EPHA3: variants seen among roughly 807,000 people sequenced by gnomAD.
EPHA3 encodes the protein EPH receptor A3, also known as ephrin type-A receptor 3.
A neutral mutation model predicts 107.1 loss-of-function variants in EPHA3; 42 were observed. That is an observed-to-expected ratio of 0.39 (90% confidence interval 0.31 to 0.51). EPHA3 has a LOEUF of 0.51. Ranked by LOEUF, EPHA3 falls within the 20% of genes least tolerant of loss-of-function variation. EPHA3 has a pLI of 0.78. For synonymous variants in EPHA3, 461 were observed against 424.8 expected (o/e 1.09, Z -1.05); for missense variants, 1,183 against 1,211.2 (o/e 0.98, Z 0.35).
chr3:89,433,267 G>A (rs1207183093), intron 13 of EPHA3, among the ~76,000 whole-genome samples: 1 of 151,472 alleles, frequency 6.6e-6, no homozygotes, highest in African/African-American at 2.4e-5. Flanking sequence ...GTCTTCTGCT[G>A]TTTCTTATTA....
At chr3:89,240,369 G>A (rs947369915) in intron 3 of EPHA3, among the ~76,000 whole-genome samples, 1 of 151,848 alleles carries the variant, frequency 6.6e-6, no homozygotes, top group African/African-American at 2.4e-5. Flanking sequence ...ATACTTGACT[G>A]GTATTTTGCT....
At chr3:89,459,489 C>CCT (rs1196115476) in intron 15 of EPHA3, among the ~76,000 whole-genome samples, 18 of 109,200 alleles carry the variant, frequency 1.6e-4, no homozygotes, top group African/African-American at 6.6e-4. Flanking sequence ...CTCCTTCCTT[C>CCT]TCTCCTTCCT....
chr3:89,138,641 T>C (rs1704364706), intron 2 of EPHA3, among the ~76,000 whole-genome samples: 1 of 151,796 alleles, frequency 6.6e-6, no homozygotes, highest in Non-Finnish European at 1.5e-5. Context: ...GATAGTGTAA[T>C]TGAAGAACAA....
intron 5 of EPHA3, among the ~76,000 whole-genome samples, chr3:89,347,116 C>T (rs1461549006): frequency 7.0e-6 from 1 of 143,218 alleles, no homozygotes; most frequent in African/African-American, 2.7e-5. Context: ...TTTTTGGTTC[C>T]ATATGAACTT....
chr3:89,115,153 C>T (rs1270466452), intron 1 of EPHA3, among the ~76,000 whole-genome samples: 1 of 152,128 alleles, frequency 6.6e-6, no homozygotes, highest in Non-Finnish European at 1.5e-5. Context: ...CCCTGTTGTG[C>T]AGCTTGCTGA....
intron 13 of EPHA3, among the ~76,000 whole-genome samples, chr3:89,439,983 G>A (rs1177938942): frequency 1.3e-5 from 2 of 152,100 alleles, no homozygotes; most frequent in Non-Finnish European, 2.9e-5. Flanking sequence ...TTCACATGAT[G>A]TTGAAAGATC....
chr3:89,284,268 T>C (rs1226602811), intron 3 of EPHA3, among the ~76,000 whole-genome samples: 1 of 152,110 alleles, frequency 6.6e-6, no homozygotes, highest in Non-Finnish European at 1.5e-5. Context: ...TTTATGATAG[T>C]TTTTTAATAG....
chr3:89,428,606 C>T (rs1168456394), intron 11 of EPHA3, among the ~76,000 whole-genome samples: 3 of 151,866 alleles, frequency 2.0e-5, no homozygotes, highest in Non-Finnish European at 2.9e-5. Flanking sequence ...CGTGTAGAAT[C>T]CATAAAGGCA....
At chr3:89,164,280 C>CA (rs1466628151) in intron 2 of EPHA3, among the ~76,000 whole-genome samples, 1 of 151,998 alleles carries the variant, frequency 6.6e-6, no homozygotes, top group Non-Finnish European at 1.5e-5. Context: ...AAATAATCAC[C>CA]AAAAAACTTA....
At chr3:89,175,236 T>A (rs1308135650) in intron 2 of EPHA3, among the ~76,000 whole-genome samples, 1 of 152,130 alleles carries the variant, frequency 6.6e-6, no homozygotes, top group African/African-American at 2.4e-5. Context: ...CAACACTTGA[T>A]AATTTACAGT....
intron 5 of EPHA3, among the ~76,000 whole-genome samples, chr3:89,345,125 A>G (rs1559655667): frequency 1.3e-5 from 2 of 151,072 alleles, no homozygotes; most frequent in Non-Finnish European, 3.0e-5. Flanking sequence ...ATATCTGTTC[A>G]TTCTTAACTG....
chr3:89,107,841 G>C lies in EPHA3; in HGVS notation c.88+5G>C. 1 of 1,613,792 alleles carries C rather than the reference G, an allele frequency of 6.2e-7. No homozygotes were observed. Among genetic ancestry groups the C allele is most frequent in the Non-Finnish European group, 8.5e-7 (1 of 1,179,776 alleles). The stretch of plus-strand genomic sequence containing the variant: ...TTCCGCAGCCTTCCAATGAAGGTAA[G>C]CCAGGTACCGCGACGCACGGAGCTC... On this transcript the variant is annotated splice_donor_5th_base_variant and intron_variant, in intron 1 of 16. Coordinates refer to ENST00000336596, the MANE Select transcript of EPHA3 (RefSeq NM_005233.6).
chr3:89,194,295 T>C (rs1308252149), intron 2 of EPHA3, among the ~76,000 whole-genome samples: 1 of 151,992 alleles, frequency 6.6e-6, no homozygotes, highest in African/African-American at 2.4e-5. Context: ...TCAAAGTTAT[T>C]AATATTTGCC....
Position 89,340,993 on chromosome 3 carries a change from G to C in EPHA3, c.892G>C (p.Glu298Gln), listed in dbSNP as rs142109561. ...GTGCCCGCCTCACAGTTCTACTCAG[G>C]AAGATGGTTCAATGAACTGCAGGTG... ...AKCPPHSSTQ[E>Q]DGSMNCRCEN... The change falls in exon 4 of 17, where the codon GAA becomes CAA. Residue 298 changes from glutamate to glutamine, a missense_variant. By Grantham distance (29) the Glu-to-Gln change is conservative. Coordinates refer to ENST00000336596, the MANE Select transcript of EPHA3 (RefSeq NM_005233.6). 254 of 1,614,142 alleles carry C rather than the reference G, an allele frequency of 1.6e-4. 1 individual carries two copies. In the African/African-American group the frequency reaches 3.1e-3, roughly 20 times the overall value.
chr3:89,325,242 A>G (rs1707139350), intron 3 of EPHA3, among the ~76,000 whole-genome samples: 1 of 152,144 alleles, frequency 6.6e-6, no homozygotes, highest in Non-Finnish European at 1.5e-5. Flanking sequence ...TCTTCATATC[A>G]TCTACATAAT....
intron 3 of EPHA3, among the ~76,000 whole-genome samples, chr3:89,256,688 C>A (rs1705294717): frequency 6.6e-6 from 1 of 152,192 alleles, no homozygotes; most frequent in Non-Finnish European, 1.5e-5. Context: ...CTTGTCAATG[C>A]ATGAATTTCA....
intron 16 of EPHA3, among the ~76,000 whole-genome samples, chr3:89,476,097 TGTA>T (rs1710499058): frequency 1.4e-5 from 2 of 148,128 alleles, no homozygotes; most frequent in South Asian, 4.2e-4. Context: ...AACATTTATA[TGTA>T]GTATATTTAT....
chr3:89,200,793 G>A (rs577546822), intron 2 of EPHA3, among the ~76,000 whole-genome samples: 2 of 152,256 alleles, frequency 1.3e-5, no homozygotes, highest in African/African-American at 4.8e-5. Flanking sequence ...TGGGTACTCT[G>A]TTTTTCTCCC....
chr3:89,445,720 TA>T (rs1709865982), intron 13 of EPHA3, among the ~76,000 whole-genome samples: 1 of 152,112 alleles, frequency 6.6e-6, no homozygotes, highest in African/African-American at 2.4e-5. Flanking sequence ...AGGAAAAGTG[TA>T]AATCAAAAAC....
Sources: allele counts gnomAD v4.1 joint callset (sites outside exome capture counted in the v4.1 genomes callset), GRCh38; gene constraint gnomAD v4.1.1; transcripts MANE v1.5; gene names NCBI Gene and HGNC (gene_info 2026-07-23, HGNC 2026-07-21).